ZNF385A: variants seen among roughly 807,000 people sequenced by gnomAD.
The protein encoded by ZNF385A is hematopoietic zinc finger protein.
A neutral mutation model predicts 32.1 loss-of-function variants in ZNF385A; 14 were observed. That is an observed-to-expected ratio of 0.44 (90% CI 0.29 to 0.68). ZNF385A has a LOEUF of 0.68. ZNF385A is among the 30% of genes least tolerant of loss of function. The pLI is 0.14. For synonymous variants in ZNF385A, 197 were observed against 202.7 expected, an observed-to-expected ratio of 0.97 and a Z score of 0.24; for missense variants, 406 against 478.4, an observed-to-expected ratio of 0.85 and a Z score of 1.41.
In ZNF385A at chr12:54,369,276, G is replaced by A. The variant is rs1954392525; in HGVS notation, c.*980C>T. ...ACCAGTGTAGGCCAGACCCCTCCCG[G>A]GTCGGCGGCTGAAGGGTTGACGATA... On this transcript the variant is annotated 3_prime_UTR_variant, in exon 7 of 7. Coordinates refer to ENST00000394313, the MANE Select transcript of ZNF385A (RefSeq NM_015481.3). The A allele has an allele frequency of 6.6e-6, 1 of 152,228 alleles. No homozygotes were observed. Among genetic ancestry groups the A allele is most frequent in the African/African-American group, 2.4e-5 (1 of 41,284 alleles). The allele number at this position is 152,228 out of a possible 1,614,324, so 9.4% of individuals were successfully genotyped here.
In ZNF385A at chr12:54,370,388, G is replaced by T; in HGVS notation, c.969C>A (p.Gly323=). ...GAGCCGGGCGCAGGGACAGCGGCGAGCCTGCTGCCGCTGCCATCACTGCAG... is the reference window on the plus strand; with the variant it reads ...GAGCCGGGCGCAGGGACAGCGGCGATCCTGCTGCCGCTGCCATCACTGCAG... The part of the protein sequence containing the change: ...AVAAVMAAAA[G]SPLSLRPAPA... The change falls in exon 7 of 7, where the codon GGC becomes GGA. Residue 323 remains glycine (G), a synonymous_variant. Coordinates refer to ENST00000394313, the MANE Select transcript of ZNF385A (RefSeq NM_015481.3). The surrounding 1 kb of genome is among the most constrained non-coding windows in gnomAD (Gnocchi z 5.5). The T allele has an allele frequency of 6.5e-7, 1 of 1,528,182 alleles. No individual in the cohort carries two copies. The highest frequency in any genetic ancestry group is 8.8e-7 in the Non-Finnish European group (1 of 1,135,858). 94.7% of individuals were successfully genotyped at this position (1,528,182 alleles called of 1,614,324 possible).
rs778953050 is a variant in ZNF385A at position 54,370,575 on chromosome 12, C to G, written c.870+51G>C. The G allele has an allele frequency of 1.3e-6, 2 of 1,557,012 alleles. No homozygotes were observed. Among genetic ancestry groups the G allele is most frequent in the Non-Finnish European group, 1.7e-6 (2 of 1,150,010 alleles). Reference sequence around the variant, plus strand: ...CTGGGCAAAGCCCGCGTCCCTCTCTCCTCCCCGCCCGCGCCCTCCCACTGC... The same window carrying G: ...CTGGGCAAAGCCCGCGTCCCTCTCTGCTCCCCGCCCGCGCCCTCCCACTGC... On this transcript the variant is annotated intron_variant, in intron 6 of 6. Coordinates refer to ENST00000394313, the MANE Select transcript of ZNF385A (RefSeq NM_015481.3). The surrounding 1 kb of genome is among the most constrained non-coding windows in gnomAD (Gnocchi z 5.5).
At chr12:54,378,820 A>AT (rs1286753219) in intron 1 of ZNF385A, among the ~76,000 whole-genome samples, 1 of 151,986 alleles carries the variant, frequency 6.6e-6, no homozygotes, top group Non-Finnish European at 1.5e-5. Context: ...AAGTCTGAAG[A>AT]TTTGGGGGAC....
intron 3 of ZNF385A, among the ~76,000 whole-genome samples, chr12:54,373,706 G>A (rs1954682408): frequency 6.6e-6 from 1 of 152,204 alleles, no homozygotes; most frequent in African/African-American, 2.4e-5. Flanking sequence ...TGTTTGCCAG[G>A]TGGCCTCACC....
intron 1 of ZNF385A, among the ~76,000 whole-genome samples, chr12:54,379,742 C>T (rs145523149): frequency 6.6e-6 from 1 of 152,188 alleles, no homozygotes; most frequent in Non-Finnish European, 1.5e-5. Context: ...CGACCTCAGA[C>T]TGGGGATGTC....
Position 54,370,854 on chromosome 12 carries a change from C to G in ZNF385A, c.774+73G>C, listed in dbSNP as rs1954507071. On this transcript the variant is annotated intron_variant, in intron 5 of 6. Coordinates refer to ENST00000394313, the MANE Select transcript of ZNF385A (RefSeq NM_015481.3). This position sits in a 1 kb window ranked among gnomAD's most constrained non-coding sequence, Gnocchi z 5.5. ...AAAACTCTGAAGAAGGGCCTTTACTCAAGCTCCTTGCTCCCCTTCCCCACT... is the reference window on the plus strand; with the variant it reads ...AAAACTCTGAAGAAGGGCCTTTACTGAAGCTCCTTGCTCCCCTTCCCCACT... 1.9e-6 allele frequency: 3 copies of G among 1,609,960 alleles called. No homozygotes were observed.
At chr12:54,382,214 C>T (rs1955226301) in intron 1 of ZNF385A, among the ~76,000 whole-genome samples, 1 of 149,396 alleles carries the variant, frequency 6.7e-6, no homozygotes, top group African/African-American at 2.5e-5. Flanking sequence ...AGTACAGGCG[C>T]CCGCCACCAC....
At position 54,384,614 on chromosome 12, in the gene ZNF385A, A is replaced by G. The variant is rs1395407057; in HGVS notation, c.-100T>C. The G allele has an allele frequency of 7.0e-7, 1 of 1,422,652 alleles. No individual in the cohort carries two copies. Among genetic ancestry groups the G allele is most frequent in the Non-Finnish European group, 9.2e-7 (1 of 1,090,834 alleles). The allele number at this position is 1,422,652 out of a possible 1,614,324, so 88.1% of individuals were successfully genotyped here. On this transcript the variant is annotated 5_prime_UTR_variant, in exon 1 of 7. Transcript: ENST00000394313. Reference sequence around the variant, plus strand: ...TGGGGTAGGAAGATTAAAGCTTGGGAACCCCACCCAAGCCTGCCAGTCCCA... The same window carrying G: ...TGGGGTAGGAAGATTAAAGCTTGGGGACCCCACCCAAGCCTGCCAGTCCCA...
chr12:54,384,622 C>T lies in ZNF385A; in HGVS notation c.-108G>A. 1.4e-6 allele frequency: 2 copies of T among 1,423,366 alleles called. No homozygotes were observed. Among genetic ancestry groups the T allele is most frequent in the Non-Finnish European group, 1.8e-6 (2 of 1,091,990 alleles). 88.2% of individuals were successfully genotyped at this position (1,423,366 alleles called of 1,614,324 possible). A position where few individuals can be genotyped will look rare whatever the true frequency, so the allele number is the denominator to read the frequency against. ...GAAGATTAAAGCTTGGGAACCCCAC[C>T]CAAGCCTGCCAGTCCCACTCCCTAG... is the stretch of plus-strand genomic sequence containing the variant. On this transcript the variant is annotated 5_prime_UTR_variant, in exon 1 of 7. Transcript: ENST00000394313.
chr12:54,387,954 G>C (rs532386317), upstream of ZNF385A, among the ~76,000 whole-genome samples: 2 of 152,146 alleles, frequency 1.3e-5, no homozygotes, highest in Admixed American at 6.5e-5. Flanking sequence ...GGCAGGAACT[G>C]AGTAGGAAGT....
chr12:54,370,293 C>T lies in ZNF385A; in HGVS notation c.1064G>A (p.Arg355Gln). Residue 355 changes from arginine to glutamine, a missense_variant, in exon 7 of 7, where the codon CGA (arginine) becomes CAA (glutamine). Physicochemically the swap from Arg to Gln is conservative, Grantham distance 43 (BLOSUM62 1). Coordinates refer to ENST00000394313, the MANE Select transcript of ZNF385A (RefSeq NM_015481.3). This position sits in a 1 kb window ranked among gnomAD's most constrained non-coding sequence, Gnocchi z 5.5. ...PLLHPAPGPIRTAHGPILFSP... is the reference protein window; with the variant it reads ...PLLHPAPGPIQTAHGPILFSP... Reference sequence around the variant, plus strand: ...GAAGAGGATGGGTCCGTGCGCAGTTCGGATGGGTCCGGGGGCCGGGTGAAG... The same window carrying T: ...GAAGAGGATGGGTCCGTGCGCAGTTTGGATGGGTCCGGGGGCCGGGTGAAG... 4 of 1,480,478 alleles carry T rather than the reference C, an allele frequency of 2.7e-6. No homozygotes were observed. Among genetic ancestry groups the T allele is most frequent in the Non-Finnish European group, 3.6e-6 (4 of 1,115,254 alleles). 91.7% of individuals were successfully genotyped at this position (1,480,478 alleles called of 1,614,324 possible).
At chr12:54,385,597 C>G, upstream of ZNF385A, 1 of 981,544 alleles carries the variant, frequency 1.0e-6, no homozygotes, top group Non-Finnish European at 1.2e-6. Context: ...CTTGGCCCGT[C>G]CTCCCTTGAC....
upstream of ZNF385A, chr12:54,385,029 CTT>C: frequency 2.3e-6 from 1 of 426,334 alleles, no homozygotes; most frequent in East Asian, 1.5e-4. Flanking sequence ...GATATTGAGA[CTT>C]AGATTTGGAG....
At chr12:54,375,441 C>G (rs890728414) in intron 2 of ZNF385A, among the ~76,000 whole-genome samples, 1 of 151,596 alleles carries the variant, frequency 6.6e-6, no homozygotes, top group South Asian at 2.1e-4. Flanking sequence ...TTAGCAGAGG[C>G]CAAAGAGGAC....
chr12:54,390,378 T>TGGGGTGGCTGTGGCTGAC (rs1955602812), intron 1 of ZNF385A, among the ~76,000 whole-genome samples: 1 of 151,962 alleles, frequency 6.6e-6, no homozygotes, highest in African/African-American at 2.4e-5. Context: ...GTCATGAGGA[T>TGGGGTGGCTGTGGCTGAC]GGGGTGGCTG....
Position 54,370,225 on chromosome 12 carries a change from G to A in ZNF385A, c.*31C>T. The stretch of plus-strand genomic sequence containing the variant: ...ACGCCTGGGTCCCGGCTGGAGGTGG[G>A]GAGTTGAATGGGAGGGGTTCAGGGT... On this transcript the variant is annotated 3_prime_UTR_variant, in exon 7 of 7. Transcript: ENST00000394313. The surrounding 1 kb of genome is among the most constrained non-coding windows in gnomAD (Gnocchi z 5.5). The A allele has an allele frequency of 7.1e-7, 1 of 1,408,204 alleles. No individual in the cohort carries two copies. The highest frequency in any genetic ancestry group is 9.3e-7 in the Non-Finnish European group (1 of 1,075,466). The allele number at this position is 1,408,204 out of a possible 1,614,324, so 87.2% of individuals were successfully genotyped here. A position where few individuals can be genotyped will look rare whatever the true frequency, so the allele number is the denominator to read the frequency against.
intron 1 of ZNF385A, among the ~76,000 whole-genome samples, chr12:54,382,242 T>C (rs1017933195): frequency 9.2e-5 from 6 of 65,046 alleles, no homozygotes; most frequent in Admixed American, 3.5e-4. Flanking sequence ...TAGTTTTTTG[T>C]TGTTTTTTTT....
chr12:54,377,575 G>A (rs1437272165), intron 1 of ZNF385A, among the ~76,000 whole-genome samples: 1 of 152,146 alleles, frequency 6.6e-6, no homozygotes, highest in Non-Finnish European at 1.5e-5. Flanking sequence ...ATGGTCAGGT[G>A]GTGTAATCTT....
At chr12:54,378,729 G>A (rs961175188) in intron 1 of ZNF385A, among the ~76,000 whole-genome samples, 3 of 152,066 alleles carry the variant, frequency 2.0e-5, no homozygotes, top group African/African-American at 7.2e-5. Flanking sequence ...GGTGGGGGAG[G>A]GATGCTGGGA....
Sources: allele counts gnomAD v4.1 joint callset (sites outside exome capture counted in the v4.1 genomes callset), GRCh38; gene constraint gnomAD v4.1.1; non-coding constraint Gnocchi (gnomAD v3.1); transcripts MANE v1.5; gene names NCBI Gene and HGNC (gene_info 2026-07-23, HGNC 2026-07-21).